Variants in SSC4D observed in about 807,000 individuals in gnomAD.
SSC4D encodes scavenger receptor cysteine-rich domain-containing group B protein.
A neutral mutation model predicts 63.4 loss-of-function variants in SSC4D; 57 were observed. The ratio of observed to expected loss-of-function variants is 0.90; its 90% confidence interval spans 0.73 to 1.12. SSC4D has a LOEUF of 1.12. Among genes scored for constraint, SSC4D ranks in the 50% most tolerant of loss-of-function variants. The pLI is 0.00. For missense variants in SSC4D, 791 were observed against 806.4 expected (o/e 0.98, Z 0.23); for synonymous variants, 352 against 345.4 (o/e 1.02, Z -0.21).
At position 76,399,303 on chromosome 7, in the gene SSC4D, G is replaced by A. The variant is rs545932655; in HGVS notation, c.476-506C>T. Among the ~76,000 whole-genome samples the A allele has an allele frequency of 1.1e-3, 164 of 152,076 alleles. 1 individual carries two copies. The highest frequency in any genetic ancestry group is 3.6e-3 in the African/African-American group (149 of 41,498). On this transcript the variant is annotated intron_variant, in intron 4 of 10. Transcript: ENST00000275560. ...GCTGGAATTACAGGCATGAGCCACC[G>A]TGCCCAGCCTGAAGCACAGTTCTTA...
At chr7:76,399,051 G>A (rs552519445) in intron 4 of SSC4D, among the ~76,000 whole-genome samples, 102 of 152,062 alleles carry the variant, frequency 6.7e-4, no homozygotes, top group Middle Eastern at 3.4e-3. Context: ...TTGCTCTGTC[G>A]CTCAGGCTGG....
chr7:76,404,324 A>G lies in SSC4D; in HGVS notation c.116T>C (p.Leu39Pro). The G allele has an allele frequency of 6.2e-7, 1 of 1,606,528 alleles. No homozygotes were observed. The highest frequency in any genetic ancestry group is 2.2e-5 in the East Asian group (1 of 44,772). ...GGACTCACCCAGTGGCAGGAGGAGA[A>G]GGAAAGACAGGGCTTGGGGGAGGAA... ...PPFLPQALSF[L>P]LLLPLASALQ... Residue 39 changes from leucine (L) to proline (P), a missense_variant, in exon 2 of 11, where the codon CTT becomes CCT. Coordinates refer to ENST00000275560, the MANE Select transcript of SSC4D (RefSeq NM_080744.2).
chr7:76,397,494 G>A (rs746924139), intron 6 of SSC4D, 24 bp downstream of exon 6: 4 of 1,289,790 alleles, frequency 3.1e-6, no homozygotes, highest in South Asian at 1.5e-5. Flanking sequence ...CCCCGGCCCC[G>A]CCCATCGCCC....
intron 2 of SSC4D, among the ~76,000 whole-genome samples, chr7:76,403,912 C>T (rs1265887672): frequency 6.6e-6 from 1 of 152,164 alleles, no homozygotes; most frequent in African/African-American, 2.4e-5. Flanking sequence ...ATCTTTCCGC[C>T]TTGGCCTCCC....
intron 9 of SSC4D, 55 bp downstream of exon 9, chr7:76,393,350 C>T (rs1804542840): frequency 3.1e-6 from 4 of 1,301,008 alleles, no homozygotes; most frequent in Non-Finnish European, 3.9e-6. Context: ...CCCCGCCCCT[C>T]CCACGCCGCA....
At position 76,398,309 on chromosome 7, in the gene SSC4D, A is replaced by ATT. The variant is rs575917641; in HGVS notation, c.553+409_553+410dup. Among the ~76,000 whole-genome samples, 347 of 127,194 alleles carry ATT rather than the reference A, an allele frequency of 2.7e-3. 2 individuals are homozygous for ATT. The highest frequency in any genetic ancestry group is 7.0e-3 in the South Asian group (28 of 3,984). 83.4% of individuals were successfully genotyped at this position (127,194 alleles called of 152,430 possible). Reference sequence around the variant, plus strand: ...CAGTCTCACCGCCCATTCATTTTCTATTTTTTTTTTTTTTTTTTGAGACAG... The same window carrying ATT: ...CAGTCTCACCGCCCATTCATTTTCTATTTTTTTTTTTTTTTTTTTTGAGACAG... On this transcript the variant is annotated intron_variant, in intron 5 of 10. Transcript: ENST00000275560.
At chr7:76,396,616 G>A (rs1804647050) in intron 6 of SSC4D, among the ~76,000 whole-genome samples, 1 of 152,194 alleles carries the variant, frequency 6.6e-6, no homozygotes, top group Non-Finnish European at 1.5e-5. Context: ...GCCTCGATTT[G>A]GGGGCTTGCC....
At chr7:76,398,639 C>T (rs971064442) in intron 5 of SSC4D, 81 bp downstream of exon 5, 1 of 1,439,364 alleles carries the variant, frequency 6.9e-7, no homozygotes, top group South Asian at 1.2e-5. Context: ...ATTTGTAATC[C>T]CTGTCTTCCC....
chr7:76,405,339 CT>C lies in SSC4D; in HGVS notation c.-66-835del, dbSNP rs1193527373. 7.1e-3 allele frequency among the ~76,000 whole-genome samples: 151 copies of C among 21,352 alleles called. 2 individuals carry two copies. The highest frequency in any genetic ancestry group is 0.021 in the African/African-American group (99 of 4,708). 14.0% of individuals were successfully genotyped at this position (21,352 alleles called of 152,430 possible). A position where few individuals can be genotyped will look rare whatever the true frequency, so the allele number is the denominator to read the frequency against. On this transcript the variant is annotated intron_variant, in intron 1 of 10. Transcript: ENST00000275560. ...TATGTATTTTTTTCTTTCTTTCTTT[CT>C]TTTTTTTTTTTTTTTTTTTTTGGTA... is the stretch of plus-strand genomic sequence containing the variant.
intron 7 of SSC4D, among the ~76,000 whole-genome samples, chr7:76,395,042 C>T (rs543609625): frequency 4.6e-5 from 7 of 151,892 alleles, no homozygotes; most frequent in Non-Finnish European, 8.8e-5. Context: ...CTCTTACTGC[C>T]TCCTCCCACC....
At chr7:76,398,866 G>C in intron 4 of SSC4D, 69 bp from the exon 5 acceptor site, 2 of 1,546,538 alleles carry the variant, frequency 1.3e-6, no homozygotes, top group African/African-American at 1.4e-5. Flanking sequence ...GGTGTTTAAG[G>C]GGCAGGAGGA....
Position 76,390,051 on chromosome 7 carries a change from G to A in SSC4D, c.*8C>T, listed in dbSNP as rs751299685. 5.6e-6 allele frequency: 9 copies of A among 1,614,050 alleles called. No homozygotes were observed. Among genetic ancestry groups the A allele is most frequent in the South Asian group, 3.3e-5 (3 of 91,084 alleles). On this transcript the variant is annotated 3_prime_UTR_variant, in exon 11 of 11. Transcript: ENST00000275560. ...CAGAAGAAGAGGTGGTCTGCAGAGCGGGCTGGGTCATGAAGGCTGGCACAG... is the reference window on the plus strand; with the variant it reads ...CAGAAGAAGAGGTGGTCTGCAGAGCAGGCTGGGTCATGAAGGCTGGCACAG...
At chr7:76,404,274 G>A (rs1804926661) in intron 2 of SSC4D, 33 bp downstream of exon 2, 2 of 1,517,202 alleles carry the variant, frequency 1.3e-6, no homozygotes, top group African/African-American at 2.8e-5. Context: ...TTCAGAAAGA[G>A]GAAGTGGCAA....
intron 4 of SSC4D, among the ~76,000 whole-genome samples, chr7:76,399,638 C>T (rs1206718893): frequency 6.6e-6 from 1 of 152,040 alleles, no homozygotes; most frequent in Non-Finnish European, 1.5e-5. Flanking sequence ...CAGACTCCAG[C>T]GATCCTCCCT....
chr7:76,401,052 G>C lies in SSC4D; in HGVS notation c.134-9C>G. 6.5e-7 allele frequency: 1 copy of C among 1,544,120 alleles called. No individual in the cohort carries two copies. The highest frequency in any genetic ancestry group is 2.0e-5 in the Admixed American group (1 of 50,148). Reference sequence around the variant, plus strand: ...GGGCTGTAGGGCGCTGGCTGAAACAGAGTGAGGAAGAGCATTGGCCCCTCT... The same window carrying C: ...GGGCTGTAGGGCGCTGGCTGAAACACAGTGAGGAAGAGCATTGGCCCCTCT... On this transcript the variant is annotated splice_polypyrimidine_tract_variant and intron_variant, in intron 2 of 10. Transcript: ENST00000275560.
intron 6 of SSC4D, among the ~76,000 whole-genome samples, chr7:76,395,798 T>G (rs1265948823): frequency 6.6e-6 from 1 of 152,230 alleles, no homozygotes; most frequent in Non-Finnish European, 1.5e-5. Context: ...TTCAAGCGAT[T>G]CCCCTGCCTC....
rs1449986903 is a variant in SSC4D at position 76,407,002 on chromosome 7, C to G, written c.-67+2412G>C. On this transcript the variant is annotated intron_variant, in intron 1 of 10. Transcript: ENST00000275560. Reference sequence around the variant, plus strand: ...TGGAGACAGAGCCTCCCTCTGTCACCCAGGCTGTAGTGCAGTGGCCTGATC... The same window carrying G: ...TGGAGACAGAGCCTCCCTCTGTCACGCAGGCTGTAGTGCAGTGGCCTGATC... 3.3e-5 allele frequency among the ~76,000 whole-genome samples: 5 copies of G among 152,082 alleles called. No homozygotes were observed. In the East Asian group the frequency reaches 9.6e-4, roughly 29 times the overall value.
At position 76,395,347 on chromosome 7, in the gene SSC4D, G is replaced by C. The variant is rs1804612502; in HGVS notation, c.869-17C>G. 2 of 1,613,260 alleles carry C rather than the reference G, an allele frequency of 1.2e-6. No individual in the cohort carries two copies. The highest frequency in any genetic ancestry group is 4.5e-5 in the East Asian group (2 of 44,888). On this transcript the variant is annotated splice_polypyrimidine_tract_variant and intron_variant, in intron 6 of 10. Coordinates refer to ENST00000275560, the MANE Select transcript of SSC4D (RefSeq NM_080744.2). Reference sequence around the variant, plus strand: ...GACCCAGGCCTAGGGCAGGAGAGAAGGGGGCAGGGTCAGAGGCTGAGATTC... The same window carrying C: ...GACCCAGGCCTAGGGCAGGAGAGAACGGGGCAGGGTCAGAGGCTGAGATTC...
intron 9 of SSC4D, among the ~76,000 whole-genome samples, chr7:76,392,616 C>A (rs1804516931): frequency 2.0e-5 from 3 of 148,710 alleles, no homozygotes; most frequent in South Asian, 2.1e-4. Flanking sequence ...CACAGTGAGA[C>A]CTCATCTCTA....
Sources: allele counts gnomAD v4.1 joint callset (sites outside exome capture counted in the v4.1 genomes callset), GRCh38; gene constraint gnomAD v4.1.1; transcripts MANE v1.5; gene names NCBI Gene and HGNC (gene_info 2026-07-23, HGNC 2026-07-21).